Variants in GABBR2 observed in about 807,000 individuals in gnomAD.
The protein encoded by GABBR2 is gamma-aminobutyric acid type B receptor subunit 2.
Under a neutral mutation model 105.6 loss-of-function variants are expected in GABBR2, and 23 were observed. The observed-to-expected ratio is 0.22, with a 90% confidence interval of 0.16 to 0.31. The LOEUF (loss-of-function observed/expected upper bound fraction) is 0.31, where lower values mean the gene tolerates loss of function less well. GABBR2 is among the 10% of genes least tolerant of loss of function. The probability of loss-of-function intolerance (pLI) is 1.00; values close to 1 mark genes in which losing one functional copy is unlikely to be tolerated. For missense variants in GABBR2, 734 were observed against 1,245.5 expected, an observed-to-expected ratio of 0.59 and a Z score of 6.18; for synonymous variants, 478 against 499.7, an observed-to-expected ratio of 0.96 and a Z score of 0.58.
At chr9:98,605,282 G>A (rs1273437403) in intron 1 of GABBR2, among the ~76,000 whole-genome samples, 1 of 152,214 alleles carries the variant, frequency 6.6e-6, no homozygotes, top group East Asian at 1.9e-4. Context: ...AGGCAACAAG[G>A]GGAGCACAGC....
At chr9:98,566,267 A>T (rs1011705607) in intron 2 of GABBR2, among the ~76,000 whole-genome samples, 2 of 152,138 alleles carry the variant, frequency 1.3e-5, no homozygotes, top group Non-Finnish European at 2.9e-5. Flanking sequence ...TTTCCAGGGG[A>T]TCTTGATACT....
intron 7 of GABBR2, among the ~76,000 whole-genome samples, chr9:98,450,621 T>G (rs553496326): frequency 3.3e-5 from 5 of 152,120 alleles, no homozygotes; most frequent in African/African-American, 1.2e-4. Flanking sequence ...TCTGAAGGAG[T>G]CATTTTCCTT....
At chr9:98,382,345 G>A (rs1831992317) in intron 11 of GABBR2, among the ~76,000 whole-genome samples, 1 of 151,992 alleles carries the variant, frequency 6.6e-6, no homozygotes, top group Non-Finnish European at 1.5e-5. Flanking sequence ...ACCGAGTCTC[G>A]CTCTGTCGCC....
At chr9:98,702,058 C>T (rs1465166892) in intron 1 of GABBR2, among the ~76,000 whole-genome samples, 1 of 152,074 alleles carries the variant, frequency 6.6e-6, no homozygotes, top group Non-Finnish European at 1.5e-5. Flanking sequence ...TGTATCAGCC[C>T]CATTTCATCG....
intron 1 of GABBR2, among the ~76,000 whole-genome samples, chr9:98,592,627 T>C (rs1266448983): frequency 6.6e-6 from 1 of 152,232 alleles, no homozygotes; most frequent in East Asian, 1.9e-4. Context: ...TCTTTAGAGC[T>C]GGCCAGAGAT....
At chr9:98,357,761 G>C (rs571055244) in intron 13 of GABBR2, among the ~76,000 whole-genome samples, 1 of 152,058 alleles carries the variant, frequency 6.6e-6, no homozygotes, top group Non-Finnish European at 1.5e-5. Context: ...AATTGCCAGA[G>C]CCTTACAGGA....
chr9:98,391,973 G>A (rs973008014), intron 9 of GABBR2, among the ~76,000 whole-genome samples: 3 of 152,156 alleles, frequency 2.0e-5, no homozygotes, highest in East Asian at 3.9e-4. Flanking sequence ...CCGAGTGAGC[G>A]GGGCTGAGAG....
intron 3 of GABBR2, among the ~76,000 whole-genome samples, chr9:98,539,165 G>A (rs554827794): frequency 1.3e-4 from 20 of 152,284 alleles, no homozygotes; most frequent in African/African-American, 4.3e-4. Context: ...ACCAGCATGC[G>A]CCCTGGGGCA....
intron 3 of GABBR2, among the ~76,000 whole-genome samples, chr9:98,533,741 G>A (rs1313325001): frequency 1.3e-5 from 2 of 152,254 alleles, no homozygotes; most frequent in East Asian, 1.9e-4. Flanking sequence ...ACACAGAGAC[G>A]GCACACCTGG....
At chr9:98,621,965 T>C (rs905407136) in intron 1 of GABBR2, among the ~76,000 whole-genome samples, 9 of 151,834 alleles carry the variant, frequency 5.9e-5, no homozygotes, top group Non-Finnish European at 1.2e-4. Flanking sequence ...CAACTGACTA[T>C]AAGATTTTAA....
At chr9:98,512,349 A>G (rs1827662852) in intron 3 of GABBR2, among the ~76,000 whole-genome samples, 1 of 150,848 alleles carries the variant, frequency 6.6e-6, no homozygotes, top group Non-Finnish European at 1.5e-5. Context: ...AACGGGCACA[A>G]GACAGGGATG....
chr9:98,525,953 A>T (rs1397563747), intron 3 of GABBR2, among the ~76,000 whole-genome samples: 1 of 152,242 alleles, frequency 6.6e-6, no homozygotes, highest in Non-Finnish European at 1.5e-5. Context: ...AAATGTCATT[A>T]TAGGCAAATC....
At chr9:98,542,121 G>C in intron 2 of GABBR2, 78 bp from the exon 3 acceptor site, 2 of 1,221,706 alleles carry the variant, frequency 1.6e-6, no homozygotes, top group South Asian at 2.8e-5. Context: ...TACTGGAATA[G>C]AGACTGTTAG....
At chr9:98,664,030 T>C (rs892096441) in intron 1 of GABBR2, among the ~76,000 whole-genome samples, 2 of 152,124 alleles carry the variant, frequency 1.3e-5, no homozygotes. Context: ...GTCTACTAGG[T>C]CCACAGACCC....
chr9:98,669,236 T>C (rs1830376594), intron 1 of GABBR2, among the ~76,000 whole-genome samples: 1 of 152,208 alleles, frequency 6.6e-6, no homozygotes, highest in South Asian at 2.1e-4. Flanking sequence ...GTTTTTTTGT[T>C]TTTTAATAAA....
At chr9:98,299,015 A>G (rs1356685490) in intron 17 of GABBR2, among the ~76,000 whole-genome samples, 2 of 152,206 alleles carry the variant, frequency 1.3e-5, no homozygotes, top group Non-Finnish European at 2.9e-5. Flanking sequence ...GAAATCGAAG[A>G]CCCAGGCCCA....
chr9:98,455,769 A>C (rs937230504), intron 6 of GABBR2, among the ~76,000 whole-genome samples: 2 of 152,206 alleles, frequency 1.3e-5, no homozygotes, highest in Non-Finnish European at 2.9e-5. Flanking sequence ...CCAAGAAGCC[A>C]AGTCTCTTGT....
chr9:98,334,272 C>G (rs140754548), intron 13 of GABBR2, among the ~76,000 whole-genome samples: 1 of 152,238 alleles, frequency 6.6e-6, no homozygotes, highest in African/African-American at 2.4e-5. Context: ...CAATTGGAAG[C>G]TAATAATTTT....
At chr9:98,672,638 C>T (rs76251602) in intron 1 of GABBR2, among the ~76,000 whole-genome samples, 2,247 of 152,342 alleles carry the variant, frequency 0.015, 60 homozygotes, top group African/African-American at 0.052. Flanking sequence ...ATGAACAGAA[C>T]AATTCTCAGG....
Sources: allele counts gnomAD v4.1 joint callset (sites outside exome capture counted in the v4.1 genomes callset), GRCh38; gene constraint gnomAD v4.1.1; transcripts MANE v1.5; gene names NCBI Gene and HGNC (gene_info 2026-07-23, HGNC 2026-07-21).